KLF17: variants seen among roughly 807,000 people sequenced by gnomAD.
KLF17 encodes the protein KLF transcription factor 17.
A neutral mutation model predicts 34.2 loss-of-function variants in KLF17; 31 were observed. The observed-to-expected ratio is 0.91, with a 90% CI of 0.68 to 1.22. The LOEUF is 1.22. Ranked by LOEUF, KLF17 falls within the 50% of genes most tolerant of loss-of-function variation. The pLI is 0.00. For synonymous variants in KLF17, 179 were observed against 186.7 expected (o/e 0.96, Z 0.34); for missense variants, 478 against 505.2 (o/e 0.95, Z 0.52).
At chr1:44,071,390 C>T in the KLF17 span, among the ~76,000 whole-genome samples, 1 of 152,212 alleles carries the variant, frequency 6.6e-6, no homozygotes, top group Non-Finnish European at 1.5e-5. Context: ...GGCTCCTTAG[C>T]TCTAGGCCTT....
chr1:44,046,530 C>T, the KLF17 span, among the ~76,000 whole-genome samples: 2 of 47,308 alleles, frequency 4.2e-5, no homozygotes, highest in Admixed American at 5.3e-4. Flanking sequence ...CTAAGCACTA[C>T]ACACACACTC....
chr1:44,051,182 T>A, the KLF17 span: 1 of 152,384 alleles, frequency 6.6e-6, no homozygotes, highest in Non-Finnish European at 1.5e-5. Context: ...ATTGTTAAGA[T>A]GACAAATGGA....
chr1:44,111,721 A>G, the KLF17 span, among the ~76,000 whole-genome samples: 5 of 152,098 alleles, frequency 3.3e-5, no homozygotes, highest in African/African-American at 1.2e-4. Flanking sequence ...GTGAAACCCC[A>G]TCTCTACTAA....
the KLF17 span, among the ~76,000 whole-genome samples, chr1:44,060,488 A>G: frequency 6.6e-6 from 1 of 152,100 alleles, no homozygotes; most frequent in Non-Finnish European, 1.5e-5. Flanking sequence ...TGAAACTTGG[A>G]ATAGAGATGA....
the KLF17 span, among the ~76,000 whole-genome samples, chr1:44,083,116 A>T: frequency 1.3e-5 from 2 of 151,424 alleles, no homozygotes; most frequent in South Asian, 4.2e-4. Flanking sequence ...AATTAAAAAA[A>T]AATTTTTTTT....
chr1:44,069,073 C>T, the KLF17 span, among the ~76,000 whole-genome samples: 1 of 152,146 alleles, frequency 6.6e-6, no homozygotes, highest in Non-Finnish European at 1.5e-5. This position sits in a 1 kb window ranked among gnomAD's most constrained non-coding sequence, Gnocchi z 4.7. Context: ...TTAATGATCA[C>T]TCATGTGGAG....
the KLF17 span, among the ~76,000 whole-genome samples, chr1:44,090,720 C>T: frequency 1.7e-4 from 26 of 151,990 alleles, no homozygotes; most frequent in East Asian, 1.9e-3. Flanking sequence ...AGAAAAGTCG[C>T]GCTTCTGGGG....
chr1:44,086,420 C>G, the KLF17 span, among the ~76,000 whole-genome samples: 6 of 152,044 alleles, frequency 3.9e-5, no homozygotes, highest in Admixed American at 1.3e-4. Flanking sequence ...GAGCTGAGAT[C>G]GCGCCATTGC....
intron 1 of KLF17, among the ~76,000 whole-genome samples, chr1:44,127,646 C>CT (rs879540008): frequency 0.02 from 1,127 of 55,804 alleles, 39 homozygotes; most frequent in African/African-American, 0.054. Flanking sequence ...TTCCTTCTTT[C>CT]TTTCTTTCTT....
chr1:44,114,200 A>G (rs1231967633), upstream of KLF17: 2 of 152,200 alleles, frequency 1.3e-5, no homozygotes, highest in African/African-American at 4.8e-5. Context: ...TGTTAATGGG[A>G]TCATTCATAA....
intron 1 of KLF17, among the ~76,000 whole-genome samples, chr1:44,119,418 A>AC (rs60590251): frequency 1.4e-4 from 20 of 147,664 alleles, no homozygotes; most frequent in African/African-American, 2.5e-4. Flanking sequence ...AAAAAAAAAA[A>AC]CCCCAAAAAT....
the KLF17 span, among the ~76,000 whole-genome samples, chr1:44,084,415 C>T: frequency 7.2e-5 from 11 of 152,070 alleles, no homozygotes; most frequent in African/African-American, 7.2e-5. Flanking sequence ...CAGTTGCTCA[C>T]GCCTATAATC....
At chr1:44,127,800 A>G (rs1475565667) in intron 1 of KLF17, among the ~76,000 whole-genome samples, 3 of 36,794 alleles carry the variant, frequency 8.2e-5, no homozygotes, top group Non-Finnish European at 1.9e-4. Flanking sequence ...TTCTTTTCTT[A>G]TCTTTTCTTT....
At chr1:44,116,541 T>C (rs866984028), upstream of KLF17, among the ~76,000 whole-genome samples, 6 of 152,288 alleles carry the variant, frequency 3.9e-5, no homozygotes, top group South Asian at 1.2e-3. Context: ...ACTTCTTGTT[T>C]AGAGTTTAGA....
chr1:44,090,050 T>A, the KLF17 span, among the ~76,000 whole-genome samples: 4 of 148,332 alleles, frequency 2.7e-5, no homozygotes, highest in Admixed American at 1.4e-4. Flanking sequence ...TGCGGGAGGA[T>A]CCCTTGAGCC....
intron 1 of KLF17, chr1:44,122,034 T>C (rs1202157678): frequency 4.3e-6 from 3 of 705,152 alleles, no homozygotes; most frequent in African/African-American, 1.8e-5. Flanking sequence ...CCTTTATGTC[T>C]TTTCCTTTTT....
chr1:44,123,996 A>G (rs1557730217), intron 1 of KLF17, among the ~76,000 whole-genome samples: 1 of 151,992 alleles, frequency 6.6e-6, no homozygotes, highest in South Asian at 2.1e-4. Flanking sequence ...GTGATCTACT[A>G]TATGGTCTTC....
the KLF17 span, among the ~76,000 whole-genome samples, chr1:44,111,415 A>G: frequency 6.7e-6 from 1 of 149,360 alleles, no homozygotes; most frequent in Non-Finnish European, 1.5e-5. Flanking sequence ...TGCATGTTTT[A>G]AAGCTTTTTG....
the KLF17 span, among the ~76,000 whole-genome samples, chr1:44,101,024 T>C: frequency 2.0e-5 from 3 of 152,192 alleles, no homozygotes; most frequent in Non-Finnish European, 4.4e-5. Context: ...TCTAATACCA[T>C]CTAAATACTA....
Sources: allele counts gnomAD v4.1 joint callset (sites outside exome capture counted in the v4.1 genomes callset), GRCh38; gene constraint gnomAD v4.1.1; non-coding constraint Gnocchi (gnomAD v3.1); transcripts MANE v1.5; gene names NCBI Gene and HGNC (gene_info 2026-07-23, HGNC 2026-07-21).